Variants in CRACR2A observed in about 807,000 individuals in gnomAD.
CRACR2A encodes the protein EF-hand calcium-binding domain-containing protein 4B.
CRACR2A carries 79 observed loss-of-function variants against 90.5 expected under a neutral mutation model. The ratio of observed to expected loss-of-function variants is 0.87; its 90% CI spans 0.73 to 1.05. The LOEUF (loss-of-function observed/expected upper bound fraction) is 1.05, where lower values mean the gene tolerates loss of function less well. Ranked by LOEUF, CRACR2A falls within the 50% of genes least tolerant of loss-of-function variation. The pLI is 0.00. For missense variants in CRACR2A, 823 were observed against 897.2 expected (o/e 0.92, Z 1.06); for synonymous variants, 338 against 356.7 (o/e 0.95, Z 0.59).
At chr12:3,673,719 C>T in intron 6 of CRACR2A, 127 bp from the exon 7 acceptor site, 1 of 1,203,454 alleles carries the variant, frequency 8.3e-7, no homozygotes. Context: ...ATGACAGTAG[C>T]TAACGTGGAC....
chr12:3,630,236 G>A (rs144532765), intron 15 of CRACR2A, among the ~76,000 whole-genome samples: 431 of 152,288 alleles, frequency 2.8e-3, no homozygotes, highest in Non-Finnish European at 4.6e-3. Flanking sequence ...CTTCCCGAAG[G>A]ATGGCTCAAG....
At position 3,656,355 on chromosome 12, in the gene CRACR2A, A is replaced by T. The variant is rs772842384; in HGVS notation, c.814T>A (p.Cys272Ser). 5 of 1,613,976 alleles carry T rather than the reference A, an allele frequency of 3.1e-6. No individual in the cohort carries two copies. Among genetic ancestry groups the T allele is most frequent in the Admixed American group, 1.7e-5 (1 of 60,002 alleles). ...RSQELEQKLL[C>S]KEQELEQLTQ... ...AGCTGCTCCAGCTCCTGCTCCTTAC[A>T]TAACAGTTTCTGCTCCAGCTCTTGA... The change falls in exon 9 of 20, where the codon TGT (cysteine) becomes AGT (serine). Residue 272 changes from cysteine to serine, a missense_variant. Cys to Ser is a moderately radical substitution (Grantham distance 112). Transcript: ENST00000440314.
At chr12:3,666,068 G>A (rs1385691669) in intron 7 of CRACR2A, among the ~76,000 whole-genome samples, 1 of 152,104 alleles carries the variant, frequency 6.6e-6, no homozygotes, top group Non-Finnish European at 1.5e-5. Flanking sequence ...AGTAAAGGAA[G>A]CTACCTGCTC....
chr12:3,750,927 AC>A (rs984929020), intron 1 of CRACR2A, among the ~76,000 whole-genome samples: 4 of 151,364 alleles, frequency 2.6e-5, no homozygotes, highest in Non-Finnish European at 5.9e-5. Flanking sequence ...ATCTCCAATC[AC>A]CCCCCACACC....
chr12:3,676,842 T>C (rs573078335), intron 6 of CRACR2A, among the ~76,000 whole-genome samples: 20 of 152,116 alleles, frequency 1.3e-4, no homozygotes, highest in African/African-American at 3.1e-4. Flanking sequence ...GGTCTGTCTG[T>C]CCACACCTGC....
intron 6 of CRACR2A, among the ~76,000 whole-genome samples, chr12:3,674,248 G>C (rs1591677097): frequency 1.3e-5 from 2 of 152,210 alleles, no homozygotes; most frequent in East Asian, 3.8e-4. Context: ...AGGGATGACT[G>C]ACAGGCAAAA....
At chr12:3,727,229 G>C (rs867831201) in intron 2 of CRACR2A, 49 of 152,012 alleles carry the variant, frequency 3.2e-4, no homozygotes, top group African/African-American at 1.2e-3. Flanking sequence ...GATGGATTGG[G>C]AAAAGTTGTT....
rs11062766 is a variant in CRACR2A, at chr12:3,696,633, G to C, written c.228+139C>G. The stretch of plus-strand genomic sequence containing the variant: ...GGAGGTCCGGCTCCTAGTAGAGTTT[G>C]GGCAGATCCTTCCTTCCAAGACAGA... On this transcript the variant is annotated intron_variant, in intron 4 of 19. Coordinates refer to ENST00000440314, the MANE Select transcript of CRACR2A (RefSeq NM_001144958.2). 7,541 of 1,243,610 alleles carry C rather than the reference G, an allele frequency of 6.1e-3. 345 individuals carry two copies. The African/African-American group carries it at 0.098, about 16-fold the overall frequency. The allele number at this position is 1,243,610 out of a possible 1,614,324, so 77.0% of individuals were successfully genotyped here.
intron 7 of CRACR2A, among the ~76,000 whole-genome samples, chr12:3,666,696 A>G (rs1219012773): frequency 6.6e-6 from 1 of 152,262 alleles, no homozygotes; most frequent in Non-Finnish European, 1.5e-5. Context: ...CTGGAGCTCC[A>G]GCTAACGGCA....
At position 3,681,083 on chromosome 12, in the gene CRACR2A, C is replaced by A. The variant is rs538343625; in HGVS notation, c.229-734G>T. ...TGCGGGTCACTTACTTGAGGCCTCT[C>A]CTGCTGGAGGCCCCTGGTGTCCCAT... On this transcript the variant is annotated intron_variant, in intron 4 of 19. Transcript: ENST00000440314. Among the ~76,000 whole-genome samples the A allele has an allele frequency of 1.1e-3, 172 of 151,698 alleles. 1 individual carries two copies. The highest frequency in any genetic ancestry group is 4.0e-3 in the African/African-American group (165 of 41,290).
At chr12:3,671,178 C>T (rs1945235888) in intron 7 of CRACR2A, among the ~76,000 whole-genome samples, 1 of 152,150 alleles carries the variant, frequency 6.6e-6, no homozygotes, top group Non-Finnish European at 1.5e-5. Context: ...AGAGGAGGTC[C>T]TGCAGATGAG....
intron 1 of CRACR2A, among the ~76,000 whole-genome samples, chr12:3,743,210 G>C (rs1946556131): frequency 6.6e-6 from 1 of 152,206 alleles, no homozygotes; most frequent in Non-Finnish European, 1.5e-5. Context: ...CTACGTAATG[G>C]AAGCTGAGTA....
At chr12:3,713,147 A>T in intron 3 of CRACR2A, 90 bp downstream of exon 3, 1 of 483,042 alleles carries the variant, frequency 2.1e-6, no homozygotes, top group Non-Finnish European at 2.7e-6. Context: ...CAGCTACAAT[A>T]GTGCTAACAA....
chr12:3,745,232 C>T (rs1946591910), intron 1 of CRACR2A, among the ~76,000 whole-genome samples: 1 of 152,162 alleles, frequency 6.6e-6, no homozygotes, highest in African/African-American at 2.4e-5. Flanking sequence ...TACCGCAGGC[C>T]ATGGCACCAC....
intron 7 of CRACR2A, among the ~76,000 whole-genome samples, chr12:3,664,952 C>T (rs983573106): frequency 2.6e-5 from 4 of 152,200 alleles, no homozygotes; most frequent in Admixed American, 6.5e-5. Flanking sequence ...GGTTGCAGTG[C>T]GCCAAGATCA....
chr12:3,646,042 G>C (rs1359118215), intron 11 of CRACR2A, among the ~76,000 whole-genome samples: 1 of 152,204 alleles, frequency 6.6e-6, no homozygotes, highest in African/African-American at 2.4e-5. Context: ...CACCGTAACA[G>C]AGAAGAAGGC....
rs1394873013 is a variant in CRACR2A, at chr12:3,746,310, C to T, written c.-387+6705G>A. 1.3e-5 allele frequency among the ~76,000 whole-genome samples: 2 copies of T among 151,860 alleles called. No homozygotes were observed. The highest frequency in any genetic ancestry group is 1.3e-4 in the Admixed American group (2 of 15,268). ...TAGATGAGGTCATGAGGGTGGGGCC[C>T]TCATGATGGGATTAGTGCCCATCAT... On this transcript the variant is annotated intron_variant, in intron 1 of 19. Coordinates refer to ENST00000440314, the MANE Select transcript of CRACR2A (RefSeq NM_001144958.2). This position sits in a 1 kb window ranked among gnomAD's most constrained non-coding sequence, Gnocchi z 4.4.
intron 11 of CRACR2A, among the ~76,000 whole-genome samples, chr12:3,647,739 A>G (rs1226396126): frequency 1.3e-5 from 2 of 152,246 alleles, no homozygotes; most frequent in Non-Finnish European, 2.9e-5. Flanking sequence ...CACAAAAACA[A>G]AAACCTTCAT....
chr12:3,735,301 A>T (rs1268128912), intron 1 of CRACR2A, among the ~76,000 whole-genome samples: 1 of 152,136 alleles, frequency 6.6e-6, no homozygotes, highest in East Asian at 1.9e-4. Flanking sequence ...AAATCCTAGG[A>T]CAGGGTGCAC....
Sources: allele counts gnomAD v4.1 joint callset (sites outside exome capture counted in the v4.1 genomes callset), GRCh38; gene constraint gnomAD v4.1.1; non-coding constraint Gnocchi (gnomAD v3.1); transcripts MANE v1.5; gene names NCBI Gene and HGNC (gene_info 2026-07-23, HGNC 2026-07-21).